The following AATF variants were observed in gnomAD, a reference collection of about 807,000 sequenced individuals.
The protein encoded by AATF is apoptosis antagonizing transcription factor.
AATF carries 48 observed loss-of-function variants against 63.7 expected under a neutral mutation model. The observed-to-expected ratio is 0.75, with a 90% CI of 0.60 to 0.96. AATF has a LOEUF of 0.96. Ranked by LOEUF, AATF falls within the 40% of genes least tolerant of loss-of-function variation. The pLI is 0.00. For missense variants in AATF, 639 were observed against 685.7 expected (o/e 0.93, Z 0.76); for synonymous variants, 258 against 247.7 (o/e 1.04, Z -0.39).
Position 37,056,787 on chromosome 17 carries a change from C to G in AATF, c.*123C>G. ...AAGCCCCTGGAAAGATGCTGCGTTC[C>G]GAACCTGTGCCTAATACACGCAAGG... is the stretch of plus-strand genomic sequence containing the variant. On this transcript the variant is annotated 3_prime_UTR_variant, in exon 12 of 12. Coordinates refer to ENST00000619387, the MANE Select transcript of AATF (RefSeq NM_012138.4). The G allele has an allele frequency of 2.8e-6, 3 of 1,067,660 alleles. No individual in the cohort carries two copies. Among genetic ancestry groups the G allele is most frequent in the South Asian group, 1.4e-5 (1 of 69,108 alleles). The allele number at this position is 1,067,660 out of a possible 1,614,324, so 66.1% of individuals were successfully genotyped here.
chr17:37,031,937 G>A (rs1027355406), intron 11 of AATF, among the ~76,000 whole-genome samples: 5 of 152,094 alleles, frequency 3.3e-5, no homozygotes, highest in African/African-American at 1.2e-4. Context: ...CAGCGCCCTG[G>A]GACATGTGAG....
chr17:37,037,760 C>T (rs2142308837), intron 11 of AATF, among the ~76,000 whole-genome samples: 1 of 152,282 alleles, frequency 6.6e-6, no homozygotes, highest in Admixed American at 6.5e-5. Flanking sequence ...AATGTAATCC[C>T]CAGTGTTGGA....
At chr17:36,958,263 A>G (rs897170830) in intron 4 of AATF, among the ~76,000 whole-genome samples, 1 of 151,946 alleles carries the variant, frequency 6.6e-6, no homozygotes, top group Non-Finnish European at 1.5e-5. Context: ...CCCAGGTTCA[A>G]GCGATTCTCC....
intron 10 of AATF, among the ~76,000 whole-genome samples, chr17:37,021,306 C>T (rs898948178): frequency 6.6e-6 from 1 of 152,108 alleles, no homozygotes; most frequent in Non-Finnish European, 1.5e-5. Flanking sequence ...ATTATATTAA[C>T]TTTAACAATT....
intron 4 of AATF, among the ~76,000 whole-genome samples, chr17:36,985,170 G>T (rs1318878967): frequency 6.6e-6 from 1 of 152,088 alleles, no homozygotes; most frequent in Non-Finnish European, 1.5e-5. Context: ...CCAAAGTGCT[G>T]GGATTACAGG....
intron 9 of AATF, 135 bp from the exon 10 acceptor site, chr17:37,020,799 C>A: frequency 1.6e-6 from 1 of 639,872 alleles, no homozygotes; most frequent in Non-Finnish European, 2.5e-6. Context: ...GTCAGTTTGG[C>A]CCCAAACTAG....
intron 4 of AATF, chr17:36,980,233 G>A (rs1457268552): frequency 1.3e-5 from 2 of 152,100 alleles, no homozygotes; most frequent in African/African-American, 2.4e-5. Flanking sequence ...GAAATACAGG[G>A]CCCCTAACCC....
chr17:36,974,023 C>T (rs1218448295), intron 4 of AATF, among the ~76,000 whole-genome samples: 3 of 150,406 alleles, frequency 2.0e-5, no homozygotes, highest in East Asian at 3.9e-4. Flanking sequence ...GAGCCAAAAT[C>T]GTGCCACTGC....
chr17:36,955,008 A>C (rs190416918), intron 4 of AATF, among the ~76,000 whole-genome samples: 158 of 152,104 alleles, frequency 1.0e-3, no homozygotes, highest in African/African-American at 2.9e-3. Flanking sequence ...CTATCTCTCT[A>C]TATATATATT....
intron 8 of AATF, among the ~76,000 whole-genome samples, chr17:37,014,953 C>T (rs985972592): frequency 6.6e-6 from 1 of 152,176 alleles, no homozygotes; most frequent in Non-Finnish European, 1.5e-5. Flanking sequence ...GCATCCTGCT[C>T]TTATCAAAGT....
chr17:37,001,447 GGAAGGAAGAA>G (rs1159612290), intron 8 of AATF, among the ~76,000 whole-genome samples: 2 of 123,058 alleles, frequency 1.6e-5, no homozygotes, highest in African/African-American at 6.8e-5. Flanking sequence ...AAGGAAGGAA[GGAAGGAAGAA>G]AAAAAAAAAA....
chr17:37,049,955 G>T (rs1394696625), intron 11 of AATF, among the ~76,000 whole-genome samples: 1 of 152,120 alleles, frequency 6.6e-6, no homozygotes, highest in Non-Finnish European at 1.5e-5. Flanking sequence ...AGGGCTGCGG[G>T]TTCTGGAGAC....
intron 11 of AATF, among the ~76,000 whole-genome samples, chr17:37,044,315 C>T (rs779115951): frequency 6.6e-6 from 1 of 152,138 alleles, no homozygotes; most frequent in Non-Finnish European, 1.5e-5. Context: ...CATTGCACCG[C>T]TTGAGGGCCG....
At chr17:37,056,368 C>T in intron 11 of AATF, 2 of 525,078 alleles carry the variant, frequency 3.8e-6, no homozygotes, top group Non-Finnish European at 6.7e-6. Context: ...ACAGAACACT[C>T]ATTCCCTGGA....
At chr17:37,038,740 C>T (rs998095360) in intron 11 of AATF, among the ~76,000 whole-genome samples, 3 of 151,998 alleles carry the variant, frequency 2.0e-5, no homozygotes, top group African/African-American at 7.3e-5. Flanking sequence ...GCTCCCTGTT[C>T]TCTCCCCAAA....
intron 8 of AATF, among the ~76,000 whole-genome samples, chr17:37,009,329 A>G (rs1317117208): frequency 1.4e-5 from 2 of 147,710 alleles, no homozygotes; most frequent in African/African-American, 2.5e-5. Context: ...ATTTTTAGTA[A>G]AGATGGGGTT....
chr17:37,000,966 C>CA (rs903800874), intron 8 of AATF, among the ~76,000 whole-genome samples: 11 of 150,688 alleles, frequency 7.3e-5, no homozygotes, highest in African/African-American at 1.9e-4. Context: ...CCACCTCCCA[C>CA]AAAAAAAAGG....
rs1227807633 is a variant in AATF at position 36,953,859 on chromosome 17, T to C, written c.784T>C (p.Leu262=). The change falls in exon 4 of 12, where the codon TTG becomes CTG. Residue 262 remains leucine, a synonymous_variant. Coordinates refer to ENST00000619387, the MANE Select transcript of AATF (RefSeq NM_012138.4). ...GCTTCCTCAACCAGATGTTTTCCCA[T>C]TGTTCAAGGACAAAGGTGGCCCAGA... is the stretch of plus-strand genomic sequence containing the variant. ...NQLPQPDVFP[L]FKDKGGPEFS... is the part of the protein sequence containing the mutation. 1.2e-6 allele frequency: 2 copies of C among 1,614,138 alleles called. No individual in the cohort carries two copies. Among genetic ancestry groups the C allele is most frequent in the African/African-American group, 1.3e-5 (1 of 75,030 alleles).
At chr17:37,014,107 T>C (rs2071411942) in intron 8 of AATF, among the ~76,000 whole-genome samples, 1 of 152,050 alleles carries the variant, frequency 6.6e-6, no homozygotes, top group Admixed American at 6.6e-5. Context: ...TGTGAAAGAG[T>C]ACACAGAAAG....
Sources: allele counts gnomAD v4.1 joint callset (sites outside exome capture counted in the v4.1 genomes callset), GRCh38; gene constraint gnomAD v4.1.1; transcripts MANE v1.5; gene names NCBI Gene and HGNC (gene_info 2026-07-23, HGNC 2026-07-21).